DNAL1: variants seen among roughly 807,000 people sequenced by gnomAD.
DNAL1 encodes dynein axonemal light chain 1.
DNAL1 carries 17 observed loss-of-function variants against 29.4 expected under a neutral mutation model. The observed-to-expected ratio is 0.58, with a 90% CI of 0.40 to 0.87. DNAL1 has a LOEUF of 0.87. Ranked by LOEUF, DNAL1 falls within the 40% of genes least tolerant of loss-of-function variation. The probability of loss-of-function intolerance (pLI) is 0.00; values close to 1 mark genes in which losing one functional copy is unlikely to be tolerated. For synonymous variants in DNAL1, 78 were observed against 76.3 expected, an observed-to-expected ratio of 1.02 and a Z score of -0.12; for missense variants, 188 against 214.1, an observed-to-expected ratio of 0.88 and a Z score of 0.76.
chr14:73,651,903 C>A (rs551070705), intron 1 of DNAL1, among the ~76,000 whole-genome samples: 2 of 152,132 alleles, frequency 1.3e-5, no homozygotes, highest in South Asian at 2.1e-4. Flanking sequence ...GTGATCTACC[C>A]GCCTCAGCCT....
Position 73,697,609 on chromosome 14 carries a change from G to C in DNAL1, c.*1667G>C, listed in dbSNP as rs1178296976. 2 of 152,182 alleles carry C rather than the reference G, an allele frequency of 1.3e-5. No individual in the cohort carries two copies. The highest frequency in any genetic ancestry group is 2.4e-5 in the African/African-American group (1 of 41,398). 9.4% of individuals were successfully genotyped at this position (152,182 alleles called of 1,614,324 possible). ...AATACAAAAATTAGCCAGTCCTGGT[G>C]GTGGGCGCCTGTAGTCCCAACTACT... On this transcript the variant is annotated 3_prime_UTR_variant, in exon 8 of 8. Transcript: ENST00000553645.
intron 1 of DNAL1, among the ~76,000 whole-genome samples, chr14:73,647,376 AAAAAAGAAAAAG>A (rs970884497): frequency 2.7e-5 from 3 of 109,922 alleles, no homozygotes; most frequent in Admixed American, 1.1e-4. Flanking sequence ...AAAAAAAAAA[AAAAAAGAAAAAG>A]AAAAAGAAAA....
At position 73,654,834 on chromosome 14, in the gene DNAL1, T is replaced by C; in HGVS notation, c.4-13T>C. ...TTTGTTTTTTCTTTTCTTTCTTTTT[T>C]TTTTTTTTAAAGGCGAAAGCAACAA... On this transcript the variant is annotated splice_polypyrimidine_tract_variant and intron_variant, in intron 1 of 7. Coordinates refer to ENST00000553645, the MANE Select transcript of DNAL1 (RefSeq NM_031427.4). 2 of 1,515,360 alleles carry C rather than the reference T, an allele frequency of 1.3e-6. No homozygotes were observed. Among genetic ancestry groups the C allele is most frequent in the South Asian group, 1.3e-5 (1 of 77,288 alleles). 93.9% of individuals were successfully genotyped at this position (1,515,360 alleles called of 1,614,324 possible).
intron 5 of DNAL1, among the ~76,000 whole-genome samples, chr14:73,676,105 G>A (rs989309458): frequency 2.6e-5 from 4 of 151,176 alleles, no homozygotes; most frequent in Non-Finnish European, 5.9e-5. Flanking sequence ...GTGGTGGCAC[G>A]TACCTGTAAT....
chr14:73,658,994 G>A (rs1286636144), intron 3 of DNAL1, 38 bp downstream of exon 3: 4 of 1,318,106 alleles, frequency 3.0e-6, no homozygotes, highest in Non-Finnish European at 4.0e-6. Context: ...TTGCTGTTAG[G>A]TTTCCCTTTC....
chr14:73,700,455 G>T lies in DNAL1; in HGVS notation c.*4513G>T. The T allele has an allele frequency of 6.6e-6, 1 of 152,184 alleles. No homozygotes were observed. Among genetic ancestry groups the T allele is most frequent in the Non-Finnish European group, 1.5e-5 (1 of 68,022 alleles). 9.4% of individuals were successfully genotyped at this position (152,184 alleles called of 1,614,324 possible). On this transcript the variant is annotated 3_prime_UTR_variant, in exon 8 of 8. Transcript: ENST00000553645. ...TACCAGTGGTCTGAAGCAGAATAAG[G>T]AAGAATAAGAAATGAATCTTGACTG...
Position 73,697,249 on chromosome 14 carries a change from T to C in DNAL1, c.*1307T>C, listed in dbSNP as rs1566567471. 1 of 152,216 alleles carries C rather than the reference T, an allele frequency of 6.6e-6. No homozygotes were observed. The highest frequency in any genetic ancestry group is 1.5e-5 in the Non-Finnish European group (1 of 68,026). 9.4% of individuals were successfully genotyped at this position (152,216 alleles called of 1,614,324 possible). Reference sequence around the variant, plus strand: ...TGTGCCTAAAGTCCCTCAGAGACTGTTGATTCTGGTTTCCCCATCTACTTG... The same window carrying C: ...TGTGCCTAAAGTCCCTCAGAGACTGCTGATTCTGGTTTCCCCATCTACTTG... On this transcript the variant is annotated 3_prime_UTR_variant, in exon 8 of 8. Coordinates refer to ENST00000553645, the MANE Select transcript of DNAL1 (RefSeq NM_031427.4).
chr14:73,691,879 G>A (rs55727421), intron 7 of DNAL1, among the ~76,000 whole-genome samples: 3 of 140,586 alleles, frequency 2.1e-5, no homozygotes, highest in Non-Finnish European at 3.0e-5. Context: ...TGTATTTTTA[G>A]TAGAGATGGG....
chr14:73,669,921 G>T (rs1262556451), intron 4 of DNAL1, among the ~76,000 whole-genome samples: 1 of 151,984 alleles, frequency 6.6e-6, no homozygotes, highest in African/African-American at 2.4e-5. Context: ...ATTGTTTCTT[G>T]TAAGACAAAT....
chr14:73,645,574 A>C (rs1240321646), intron 1 of DNAL1, among the ~76,000 whole-genome samples: 3 of 152,154 alleles, frequency 2.0e-5, no homozygotes, highest in Non-Finnish European at 4.4e-5. Context: ...GTGATTCTCA[A>C]ATTTCAGTAT....
chr14:73,692,276 G>GT (rs1892194245), intron 7 of DNAL1, among the ~76,000 whole-genome samples: 1 of 152,154 alleles, frequency 6.6e-6, no homozygotes, highest in Non-Finnish European at 1.5e-5. Flanking sequence ...GAGGTCAGGA[G>GT]TTTGAGACCA....
At chr14:73,685,722 A>C (rs1892007211) in intron 5 of DNAL1, among the ~76,000 whole-genome samples, 1 of 152,250 alleles carries the variant, frequency 6.6e-6, no homozygotes, top group South Asian at 2.1e-4. Context: ...TTGGCTTCCC[A>C]AAGTATTGGG....
intron 4 of DNAL1, among the ~76,000 whole-genome samples, chr14:73,670,610 C>T (rs1367360600): frequency 2.6e-5 from 4 of 151,874 alleles, no homozygotes; most frequent in Admixed American, 6.6e-5. Context: ...TAGTTCCTCC[C>T]CAAAGACAAC....
chr14:73,689,102 C>G lies in DNAL1; in HGVS notation c.392-273C>G, dbSNP rs545776423. 2.3e-4 allele frequency among the ~76,000 whole-genome samples: 30 copies of G among 128,490 alleles called. No homozygotes were observed. The East Asian group carries it at 7.4e-3, about 32-fold the overall frequency. 84.3% of individuals were successfully genotyped at this position (128,490 alleles called of 152,430 possible). A position where few individuals can be genotyped will look rare whatever the true frequency, so the allele number is the denominator to read the frequency against. On this transcript the variant is annotated intron_variant, in intron 6 of 7. Transcript: ENST00000553645. ...AGTCTGGAGTGCATTGGTGCAATCT[C>G]TGCTCACTGCAACCTCCGTCTCCCG...
intron 5 of DNAL1, among the ~76,000 whole-genome samples, chr14:73,671,826 A>AT (rs1190336761): frequency 6.6e-6 from 1 of 152,070 alleles, no homozygotes; most frequent in African/African-American, 2.4e-5. Context: ...GGCATTTAAA[A>AT]TTTTTTTGAC....
intron 1 of DNAL1, among the ~76,000 whole-genome samples, chr14:73,646,787 A>G (rs577226758): frequency 1.3e-5 from 2 of 151,998 alleles, no homozygotes; most frequent in Non-Finnish European, 2.9e-5. Flanking sequence ...CAAACATAGA[A>G]AAGTTACAGT....
rs876657637 is a variant in DNAL1 at position 73,671,555 on chromosome 14, ATTATCTT to A, written c.224_230del (p.Leu75Ter). The A allele has an allele frequency of 2.0e-6, 3 of 1,492,750 alleles. No individual in the cohort carries two copies. The highest frequency in any genetic ancestry group is 2.9e-5 in the African/African-American group (2 of 69,996). The allele number at this position is 1,492,750 out of a possible 1,614,324, so 92.5% of individuals were successfully genotyped here. Reference sequence around the variant, plus strand: ...TTTTCACTACAGAAAACTTGAGGATATTATCTTTAGGAAGAAACAACATAAAGAACTT... The same window carrying A: ...TTTTCACTACAGAAAACTTGAGGATATAGGAAGAAACAACATAAAGAACTT... On this transcript the variant is annotated frameshift_variant, in exon 5 of 8. Coordinates refer to ENST00000553645, the MANE Select transcript of DNAL1 (RefSeq NM_031427.4). LOFTEE classifies it high-confidence loss of function.
At chr14:73,684,836 G>T (rs911023746) in intron 5 of DNAL1, among the ~76,000 whole-genome samples, 2 of 152,178 alleles carry the variant, frequency 1.3e-5, no homozygotes, top group Non-Finnish European at 2.9e-5. Flanking sequence ...GTTCAAGGCT[G>T]CAGTGACCTG....
chr14:73,692,992 C>T (rs536628835), intron 7 of DNAL1, among the ~76,000 whole-genome samples: 3 of 152,154 alleles, frequency 2.0e-5, no homozygotes, highest in Admixed American at 6.6e-5. Flanking sequence ...TCCGCCACCA[C>T]GCCTGGCTAA....
Sources: allele counts gnomAD v4.1 joint callset (sites outside exome capture counted in the v4.1 genomes callset), GRCh38; gene constraint gnomAD v4.1.1; transcripts MANE v1.5; gene names NCBI Gene and HGNC (gene_info 2026-07-23, HGNC 2026-07-21).